The following BCL2L13 variants were observed in gnomAD, a reference collection of about 807,000 sequenced individuals.
BCL2L13 encodes bcl-2-like protein 13.
BCL2L13 carries 13 observed loss-of-function variants against 25.8 expected under a neutral mutation model. The ratio of observed to expected loss-of-function variants is 0.50; its 90% CI spans 0.33 to 0.80. The LOEUF (loss-of-function observed/expected upper bound fraction) is 0.80. Among genes scored for constraint, BCL2L13 ranks in the 30% least tolerant of loss-of-function variants. The probability of loss-of-function intolerance (pLI) is 0.02; values close to 1 mark genes in which losing one functional copy is unlikely to be tolerated. For missense variants in BCL2L13, 504 were observed against 574.9 expected (o/e 0.88, Z 1.26); for synonymous variants, 244 against 230.3 (o/e 1.06, Z -0.54).
intron 1 of BCL2L13, among the ~76,000 whole-genome samples, chr22:17,653,986 T>G (rs2058768165): frequency 6.6e-6 from 1 of 152,164 alleles, no homozygotes; most frequent in African/African-American, 2.4e-5. Flanking sequence ...TGAAAACTCC[T>G]GAGGTCTGGT....
chr22:17,639,532 C>G (rs955411629), intron 1 of BCL2L13, among the ~76,000 whole-genome samples: 13 of 152,156 alleles, frequency 8.5e-5, no homozygotes, highest in Middle Eastern at 3.2e-3. Flanking sequence ...GAGGCTCTAA[C>G]CTAGCGTTGA....
At chr22:17,664,456 G>T (rs1310027657) in intron 2 of BCL2L13, among the ~76,000 whole-genome samples, 1 of 152,128 alleles carries the variant, frequency 6.6e-6, no homozygotes, top group Non-Finnish European at 1.5e-5. Flanking sequence ...TTGAGTGTCT[G>T]TGGCTCTTCC....
intron 1 of BCL2L13, among the ~76,000 whole-genome samples, chr22:17,645,225 ATTT>A (rs60836823): frequency 1.1e-3 from 104 of 97,614 alleles, no homozygotes; most frequent in Non-Finnish European, 8.3e-4. Flanking sequence ...TAATAGTAGG[ATTT>A]TTTTTTTTTT....
intron 1 of BCL2L13, among the ~76,000 whole-genome samples, chr22:17,632,740 A>G (rs1317855616): frequency 6.8e-6 from 1 of 147,356 alleles, no homozygotes; most frequent in Non-Finnish European, 1.5e-5. Context: ...GATAATCTTT[A>G]TGATTCTTCT....
At chr22:17,662,427 G>A (rs1416984206) in intron 2 of BCL2L13, among the ~76,000 whole-genome samples, 1 of 152,108 alleles carries the variant, frequency 6.6e-6, no homozygotes, top group African/African-American at 2.4e-5. Context: ...GCAGTGAGCT[G>A]AGATCGTGCC....
At chr22:17,656,335 CTTTTTTTTTTTTTTTT>C (rs890631679) in intron 2 of BCL2L13, among the ~76,000 whole-genome samples, 20 of 57,882 alleles carry the variant, frequency 3.5e-4, no homozygotes, top group East Asian at 2.6e-3. Flanking sequence ...TCATTTTATT[CTTTTTTTTTTTTTTTT>C]TTTTTTTTTT....
At chr22:17,724,030 T>C (rs1023327509) in intron 6 of BCL2L13, among the ~76,000 whole-genome samples, 15 of 152,120 alleles carry the variant, frequency 9.9e-5, no homozygotes, top group African/African-American at 3.4e-4. Context: ...CTCAGCACTT[T>C]GGGACACTGA....
In BCL2L13 at chr22:17,720,702, G is replaced by C. The variant is rs572115519; in HGVS notation, c.601-5975G>C. On this transcript the variant is annotated intron_variant, in intron 6 of 6. Coordinates refer to ENST00000317582, the MANE Select transcript of BCL2L13 (RefSeq NM_015367.4). ...TTTTTTTTAGAGGCGGGATCTCACT[G>C]TGTTGCCCAGGTTGGTTTCAAATTC... Among the ~76,000 whole-genome samples, 8 of 149,004 alleles carry C rather than the reference G, an allele frequency of 5.4e-5. No homozygotes were observed. The East Asian group carries it at 1.6e-3, about 30-fold the overall frequency.
chr22:17,659,457 C>T (rs5992781), intron 2 of BCL2L13, among the ~76,000 whole-genome samples: 18,714 of 144,674 alleles, frequency 0.13, 3,111 homozygotes, highest in African/African-American at 0.17. Flanking sequence ...GTCAGGAGAT[C>T]GAGCCCATCC....
chr22:17,654,675 C>T (rs976116385), intron 1 of BCL2L13, among the ~76,000 whole-genome samples: 31 of 151,964 alleles, frequency 2.0e-4, no homozygotes, highest in Non-Finnish European at 3.5e-4. Flanking sequence ...CCGCCCGCCT[C>T]GGCCTCCCAA....
chr22:17,659,829 C>T lies in BCL2L13; in HGVS notation c.121+3997C>T, dbSNP rs1174134372. On this transcript the variant is annotated intron_variant, in intron 2 of 6. Coordinates refer to ENST00000317582, the MANE Select transcript of BCL2L13 (RefSeq NM_015367.4). ...AATCCCTTAGATATCTTCATTTATA[C>T]AAACATTTAATTTATTTATTCTTAT... is the stretch of plus-strand genomic sequence containing the variant. Among the ~76,000 whole-genome samples, 2 of 146,034 alleles carry T rather than the reference C, an allele frequency of 1.4e-5. 1 individual carries two copies. The highest frequency in any genetic ancestry group is 3.1e-5 in the Non-Finnish European group (2 of 64,264).
At chr22:17,699,075 T>G (rs1208174637) in intron 5 of BCL2L13, among the ~76,000 whole-genome samples, 1 of 152,224 alleles carries the variant, frequency 6.6e-6, no homozygotes, top group Non-Finnish European at 1.5e-5. Context: ...AGATTCAGGT[T>G]CAATCTTTTT....
In BCL2L13 at chr22:17,638,802, G is replaced by C. The variant is rs1229113445; in HGVS notation, c.-135G>C. The C allele has an allele frequency of 8.1e-7, 1 of 1,231,864 alleles. No individual in the cohort carries two copies. Among genetic ancestry groups the C allele is most frequent in the African/African-American group, 1.6e-5 (1 of 64,434 alleles). The allele number at this position is 1,231,864 out of a possible 1,614,324, so 76.3% of individuals were successfully genotyped here. On this transcript the variant is annotated 5_prime_UTR_variant, in exon 1 of 7. Transcript: ENST00000317582. ...CGGTAGATTAGGGCCGCGGGTCGGA[G>C]CACTCACCGCCGCTGGGGGACCCTG...
At chr22:17,712,829 T>C (rs908090949) in intron 6 of BCL2L13, among the ~76,000 whole-genome samples, 1 of 152,226 alleles carries the variant, frequency 6.6e-6, no homozygotes, top group African/African-American at 2.4e-5. Context: ...TTAATTCATG[T>C]TGCCTACTGT....
chr22:17,651,847 C>T (rs544249057), intron 1 of BCL2L13, among the ~76,000 whole-genome samples: 6 of 151,856 alleles, frequency 4.0e-5, no homozygotes, highest in Non-Finnish European at 7.4e-5. Flanking sequence ...CCTGCCACCA[C>T]GCCCGGCTAA....
rs368434331 is a variant in BCL2L13 at position 17,697,982 on chromosome 22, AT to A, written c.456+1777del. On this transcript the variant is annotated intron_variant, in intron 5 of 6. Coordinates refer to ENST00000317582, the MANE Select transcript of BCL2L13 (RefSeq NM_015367.4). ...AGGCACCTGCCACCTTGCCCAGCTAATTTTTGTATTCTTAGTAGAGATGGGG... is the reference window on the plus strand; with the variant it reads ...AGGCACCTGCCACCTTGCCCAGCTAATTTTGTATTCTTAGTAGAGATGGGG... 2.5e-4 allele frequency among the ~76,000 whole-genome samples: 38 copies of A among 152,036 alleles called. No individual in the cohort carries two copies. In the South Asian group the frequency reaches 7.9e-3, roughly 32 times the overall value.
At chr22:17,685,775 T>C (rs1224412471) in intron 3 of BCL2L13, among the ~76,000 whole-genome samples, 2 of 114,234 alleles carry the variant, frequency 1.8e-5, no homozygotes, top group African/African-American at 6.4e-5. Context: ...TTTTTTTTTT[T>C]TTTTTTTTTT....
At chr22:17,643,246 T>A (rs2146403771) in intron 1 of BCL2L13, among the ~76,000 whole-genome samples, 1 of 152,238 alleles carries the variant, frequency 6.6e-6, no homozygotes, top group Admixed American at 6.6e-5. Flanking sequence ...CCAGTTGCAT[T>A]TTTCAGATGG....
intron 4 of BCL2L13, 153 bp from the exon 5 acceptor site, chr22:17,695,988 G>T (rs2060253457): frequency 2.1e-5 from 10 of 477,766 alleles, no homozygotes; most frequent in Middle Eastern, 5.3e-4. Context: ...GTGCATACTA[G>T]TGTGAAAAGC....
Sources: allele counts gnomAD v4.1 joint callset (sites outside exome capture counted in the v4.1 genomes callset), GRCh38; gene constraint gnomAD v4.1.1; transcripts MANE v1.5; gene names NCBI Gene and HGNC (gene_info 2026-07-23, HGNC 2026-07-21).